The following VEZT variants were observed in gnomAD, a reference collection of about 807,000 sequenced individuals.
VEZT encodes the protein vezatin, adherens junctions transmembrane protein, also known as vezatin.
A neutral mutation model predicts 79.9 loss-of-function variants in VEZT; 39 were observed. That is an observed-to-expected ratio of 0.49 (90% confidence interval 0.38 to 0.64). VEZT has a LOEUF of 0.64. VEZT is among the 30% of genes least tolerant of loss of function. The pLI, the probability that VEZT is intolerant of heterozygous loss-of-function variation, is 0.00. For missense variants in VEZT, 837 were observed against 893.1 expected, an observed-to-expected ratio of 0.94 and a Z score of 0.80; for synonymous variants, 325 against 327.6, an observed-to-expected ratio of 0.99 and a Z score of 0.09.
chr12:95,247,422 A>G (rs2061869465), intron 1 of VEZT, among the ~76,000 whole-genome samples: 1 of 152,198 alleles, frequency 6.6e-6, no homozygotes, highest in Non-Finnish European at 1.5e-5. Flanking sequence ...TAAGCCAAAC[A>G]ATAAAGAGAT....
At chr12:95,280,473 C>CACACAT in intron 7 of VEZT, among the ~76,000 whole-genome samples, 1 of 122,356 alleles carries the variant, frequency 8.2e-6, no homozygotes, top group African/African-American at 2.9e-5. Context: ...TATGTGTACA[C>CACACAT]ACACATACAC....
intron 1 of VEZT, among the ~76,000 whole-genome samples, chr12:95,239,087 A>T (rs74345953): frequency 0.11 from 16,427 of 152,238 alleles, 1,002 homozygotes; most frequent in African/African-American, 0.17. Flanking sequence ...TTTTGGGGGA[A>T]GGATTCATGA....
At chr12:95,244,596 T>G (rs1200338710) in intron 1 of VEZT, among the ~76,000 whole-genome samples, 2 of 151,804 alleles carry the variant, frequency 1.3e-5, no homozygotes, top group African/African-American at 2.4e-5. Flanking sequence ...GCCTCTTTTT[T>G]TTTTTTTCTG....
chr12:95,253,589 G>T (rs2062969286), intron 2 of VEZT, among the ~76,000 whole-genome samples: 1 of 152,196 alleles, frequency 6.6e-6, no homozygotes, highest in African/African-American at 2.4e-5. Context: ...ATGGCCAGGG[G>T]ATAGTCTTAG....
At chr12:95,282,116 G>A (rs2069309686) in intron 7 of VEZT, among the ~76,000 whole-genome samples, 197 bp from the exon 8 acceptor site, 1 of 151,844 alleles carries the variant, frequency 6.6e-6, no homozygotes, top group African/African-American at 2.4e-5. Context: ...CTGCTGTATT[G>A]GAATCAGAGG....
intron 8 of VEZT, among the ~76,000 whole-genome samples, chr12:95,284,035 G>A (rs1165867866): frequency 1.3e-5 from 2 of 150,568 alleles, no homozygotes; most frequent in African/African-American, 4.8e-5. Flanking sequence ...TTGAGTGAGG[G>A]AAGATGGCTC....
chr12:95,269,862 A>G (rs1328860236), intron 5 of VEZT, 189 bp from the exon 6 acceptor site: 3 of 563,296 alleles, frequency 5.3e-6, no homozygotes, highest in East Asian at 3.4e-5. Context: ...ATACATATAT[A>G]TATATATCTA....
At chr12:95,294,699 A>G (rs3764046) in intron 10 of VEZT, among the ~76,000 whole-genome samples, 17,029 of 152,208 alleles carry the variant, frequency 0.11, 1,051 homozygotes, top group East Asian at 0.25. Flanking sequence ...ACTTGACTGC[A>G]TGTACTATGA....
intron 1 of VEZT, among the ~76,000 whole-genome samples, chr12:95,232,740 T>A (rs1332469689): frequency 6.6e-6 from 1 of 152,184 alleles, no homozygotes; most frequent in African/African-American, 2.4e-5. Flanking sequence ...TAAAGGAATG[T>A]ATAATAGTTG....
rs369844772 is a variant in VEZT, at chr12:95,296,167, G to A, written c.1740G>A (p.Lys580=). Residue 580 remains lysine, a synonymous_variant, in exon 11 of 12, where the codon AAG becomes AAA. Coordinates refer to ENST00000436874, the MANE Select transcript of VEZT (RefSeq NM_017599.4). The part of the protein sequence containing the change: ...ERQKREHEES[K]RVLQELKSVL... ...AGAAGCGTGAGCATGAAGAATCCAA[G>A]AGGGTGCTCCAAGAATTAAAATCTG... The A allele has an allele frequency of 6.4e-5, 101 of 1,579,488 alleles. No homozygotes were observed. The highest frequency in any genetic ancestry group is 1.7e-4 in the Admixed American group (9 of 54,270).
At chr12:95,268,882 G>C (rs2066060946) in intron 5 of VEZT, among the ~76,000 whole-genome samples, 1 of 152,186 alleles carries the variant, frequency 6.6e-6, no homozygotes, top group South Asian at 2.1e-4. Context: ...ACAAGCAGTA[G>C]TGCCATATAT....
At chr12:95,221,871 A>G (rs1565954919) in intron 1 of VEZT, among the ~76,000 whole-genome samples, 1 of 152,090 alleles carries the variant, frequency 6.6e-6, no homozygotes, top group East Asian at 1.9e-4. Context: ...TATTCAAAAA[A>G]TAATACAAAT....
chr12:95,296,239 A>C lies in VEZT; in HGVS notation c.1812A>C (p.Gln604His). ...AGGCAGAAAGGCAGAAGTGGAAGCA[A>C]CTTCTATTTAGTGATCATGGTAAGC... ...ASEAERQKWK[Q>H]LLFSDHAVLK... Residue 604 changes from glutamine to histidine, a missense_variant, in exon 11 of 12, where the codon CAA becomes CAC. Transcript: ENST00000436874. The C allele has an allele frequency of 6.3e-7, 1 of 1,583,412 alleles. No individual in the cohort carries two copies. Among genetic ancestry groups the C allele is most frequent in the Non-Finnish European group, 8.6e-7 (1 of 1,163,810 alleles).
intron 7 of VEZT, among the ~76,000 whole-genome samples, chr12:95,281,235 C>T (rs910789318): frequency 1.3e-4 from 20 of 151,964 alleles, no homozygotes; most frequent in Admixed American, 3.9e-4. Context: ...CAGGAACGGG[C>T]CTATGAACAT....
chr12:95,294,387 T>C lies in VEZT; in HGVS notation c.1623+15T>C, dbSNP rs958898665. ...CAGAGGAGCAGGTAAGGGTGAAAAT[T>C]ACTGTTCTTTCCCTTGTTGGATTTC... is the stretch of plus-strand genomic sequence containing the variant. On this transcript the variant is annotated intron_variant, in intron 10 of 11. Transcript: ENST00000436874. 6.5e-6 allele frequency: 10 copies of C among 1,547,202 alleles called. No individual in the cohort carries two copies. The highest frequency in any genetic ancestry group is 8.8e-6 in the Non-Finnish European group (10 of 1,139,808).
At chr12:95,235,351 A>G (rs1405586199) in intron 1 of VEZT, among the ~76,000 whole-genome samples, 2 of 127,464 alleles carry the variant, frequency 1.6e-5, no homozygotes, top group Admixed American at 7.7e-5. Context: ...CTCACTTCCC[A>G]GTAGGGGCGG....
At chr12:95,222,698 TAA>T (rs1012724015) in intron 1 of VEZT, among the ~76,000 whole-genome samples, 31 of 151,968 alleles carry the variant, frequency 2.0e-4, no homozygotes, top group Admixed American at 1.8e-3. Context: ...AAAATAAAAA[TAA>T]AAAAACCCTA....
At chr12:95,235,607 T>C (rs2059991147) in intron 1 of VEZT, among the ~76,000 whole-genome samples, 1 of 123,020 alleles carries the variant, frequency 8.1e-6, no homozygotes, top group African/African-American at 3.1e-5. Context: ...CACTTCCCAG[T>C]AGGGCCGGCC....
At chr12:95,276,506 A>G (rs2067809871) in intron 7 of VEZT, among the ~76,000 whole-genome samples, 1 of 151,478 alleles carries the variant, frequency 6.6e-6, no homozygotes, top group Admixed American at 6.6e-5. Flanking sequence ...CTGAGCTCAA[A>G]CTATTTGCCC....
Sources: gnomAD v4.1 joint callset for allele counts (sites outside exome capture counted in the v4.1 genomes callset) on GRCh38, gnomAD v4.1.1 for gene constraint, MANE v1.5 for transcripts, NCBI Gene and HGNC (gene_info 2026-07-23, HGNC 2026-07-21) for gene names.